Variants in DRGX observed in about 807,000 individuals in gnomAD.
DRGX encodes dorsal root ganglia homeobox protein.
In DRGX, 21 loss-of-function variants were observed where a neutral mutation model predicts 28.6. The observed-to-expected ratio is 0.73, with a 90% confidence interval of 0.52 to 1.06. The LOEUF is 1.06. Among genes scored for constraint, DRGX ranks in the 50% least tolerant of loss-of-function variants. The pLI is 0.00. For missense variants in DRGX, 354 were observed against 343.9 expected (o/e 1.03, Z -0.23); for synonymous variants, 136 against 139.1 (o/e 0.98, Z 0.16).
intron 6 of DRGX, among the ~76,000 whole-genome samples, chr10:49,381,264 C>T (rs375220628): frequency 7.2e-5 from 11 of 152,344 alleles, no homozygotes; most frequent in East Asian, 5.8e-4. Context: ...GCCATCCAGG[C>T]GCCCACCTGG....
intron 2 of DRGX, 43 bp downstream of exon 2, chr10:49,395,364 G>A: frequency 6.5e-7 from 1 of 1,548,410 alleles, no homozygotes; most frequent in South Asian, 1.2e-5. Flanking sequence ...CTTTCTGGCC[G>A]GCTCTGGCTT....
intron 2 of DRGX, among the ~76,000 whole-genome samples, chr10:49,394,412 A>G (rs765310906): frequency 6.6e-6 from 1 of 152,168 alleles, no homozygotes; most frequent in Non-Finnish European, 1.5e-5. Context: ...TCCCACAACT[A>G]CTTGGCTTCC....
intron 6 of DRGX, among the ~76,000 whole-genome samples, chr10:49,372,984 T>C (rs1849676361): frequency 6.6e-6 from 1 of 152,228 alleles, no homozygotes; most frequent in Non-Finnish European, 1.5e-5. Flanking sequence ...GTTTTTGTTT[T>C]TCTTTAATTT....
chr10:49,386,521 C>G lies in DRGX; in HGVS notation c.483G>C (p.Thr161=). The change falls in exon 6 of 7, where the codon ACG becomes ACC. Residue 161 remains threonine (T), a synonymous_variant. Transcript: ENST00000374139. The part of the protein sequence containing the change: ...PSCLPGTLLN[T]ATYAQALSHV... ...GGGACAAGGCCTGGGCGTAGGTGGCCGTGTTCAGGAGAGTCCCCGGCAAGC... is the reference window on the plus strand; with the variant it reads ...GGGACAAGGCCTGGGCGTAGGTGGCGGTGTTCAGGAGAGTCCCCGGCAAGC... 3 of 1,588,798 alleles carry G rather than the reference C, an allele frequency of 1.9e-6. No homozygotes were observed. Among genetic ancestry groups the G allele is most frequent in the African/African-American group, 1.3e-5 (1 of 74,496 alleles).
In DRGX at chr10:49,367,999, C is replaced by G. The variant is rs527442226; in HGVS notation, c.527-1618G>C. 1.8e-4 allele frequency among the ~76,000 whole-genome samples: 27 copies of G among 152,340 alleles called. No individual in the cohort carries two copies. In the East Asian group the frequency reaches 5.2e-3, roughly 29 times the overall value. ...TCCAGCAGCTGGGACTTCCCCACCT[C>G]CCTTCCCAAGACAGCCTTCCTAATG... On this transcript the variant is annotated intron_variant, in intron 6 of 6. Coordinates refer to ENST00000374139, the MANE Select transcript of DRGX (RefSeq NM_001276451.2).
At chr10:49,391,100 C>A in intron 3 of DRGX, 64 bp downstream of exon 3, 1 of 1,531,046 alleles carries the variant, frequency 6.5e-7, no homozygotes, top group South Asian at 1.1e-5. Context: ...AGAAGAGTTG[C>A]TCAACTTTGA....
At chr10:49,377,847 A>G (rs1365289721) in intron 6 of DRGX, among the ~76,000 whole-genome samples, 1 of 152,238 alleles carries the variant, frequency 6.6e-6, no homozygotes, top group Non-Finnish European at 1.5e-5. Context: ...ATTTTATAAT[A>G]CTAACTTTTG....
In DRGX at chr10:49,366,748, A is replaced by G. The variant is rs555180855; in HGVS notation, c.527-367T>C. ...CCCATTAAGTCATTCCACACTCCCA[A>G]ACTGTGTCAAGGCACCCCTAAGAAC... On this transcript the variant is annotated intron_variant, in intron 6 of 6. Coordinates refer to ENST00000374139, the MANE Select transcript of DRGX (RefSeq NM_001276451.2). Among the ~76,000 whole-genome samples the G allele has an allele frequency of 6.4e-4, 97 of 152,278 alleles. 1 individual carries two copies. Among genetic ancestry groups the G allele is most frequent in the African/African-American group, 2.3e-3 (94 of 41,562 alleles).
At chr10:49,376,194 T>C (rs1350054187) in intron 6 of DRGX, among the ~76,000 whole-genome samples, 2 of 152,174 alleles carry the variant, frequency 1.3e-5, no homozygotes, top group East Asian at 3.9e-4. Flanking sequence ...CACTATATTC[T>C]GCAGAAGCCG....
At chr10:49,385,565 T>C (rs1328743668) in intron 6 of DRGX, among the ~76,000 whole-genome samples, 1 of 152,222 alleles carries the variant, frequency 6.6e-6, no homozygotes, top group African/African-American at 2.4e-5. Context: ...GCAACACAGA[T>C]TGCCACACTG....
intron 6 of DRGX, among the ~76,000 whole-genome samples, chr10:49,383,795 T>C (rs1849803035): frequency 6.6e-6 from 1 of 152,198 alleles, no homozygotes; most frequent in African/African-American, 2.4e-5. Flanking sequence ...GAGCCCTCAC[T>C]AGAACCCAAC....
At chr10:49,388,751 C>T (rs1474508182) in intron 4 of DRGX, among the ~76,000 whole-genome samples, 1 of 147,730 alleles carries the variant, frequency 6.8e-6, no homozygotes, top group African/African-American at 2.5e-5. Flanking sequence ...ACATCAGCTT[C>T]GATTAAGACC....
At position 49,391,245 on chromosome 10, in the gene DRGX, G is replaced by A; in HGVS notation, c.51C>T (p.Gly17=). ...CATCAAAATCCCCCGAAGAGTGATT[G>A]CCAAAGGTTGCAGTGCCTACCAAGA... is the stretch of plus-strand genomic sequence containing the variant. ...PPQLEGTATF[G]NHSSGDFDDG... The change falls in exon 3 of 7, where the codon GGC becomes GGT. Residue 17 remains glycine (G), a synonymous_variant. Transcript: ENST00000374139. The A allele has an allele frequency of 6.2e-7, 1 of 1,610,562 alleles. No homozygotes were observed. The highest frequency in any genetic ancestry group is 8.5e-7 in the Non-Finnish European group (1 of 1,178,428).
chr10:49,370,366 C>T (rs1288370040), intron 6 of DRGX, among the ~76,000 whole-genome samples: 4 of 152,200 alleles, frequency 2.6e-5, no homozygotes, highest in Non-Finnish European at 4.4e-5. Flanking sequence ...GATCGTGCCA[C>T]TGCACTCCAG....
At chr10:49,390,724 C>T (rs541917428) in intron 3 of DRGX, among the ~76,000 whole-genome samples, 1 of 152,220 alleles carries the variant, frequency 6.6e-6, no homozygotes, top group African/African-American at 2.4e-5. Flanking sequence ...AAAAGCCCAG[C>T]TCTGGGAAAC....
intron 4 of DRGX, among the ~76,000 whole-genome samples, chr10:49,389,493 C>CA (rs1454186427): frequency 1.3e-5 from 2 of 152,190 alleles, no homozygotes; most frequent in African/African-American, 4.8e-5. Flanking sequence ...CGCACTTGGG[C>CA]ACATCTGCTG....
At position 49,366,080 on chromosome 10, in the gene DRGX, C is replaced by A; in HGVS notation, c.*36G>T. Reference sequence around the variant, plus strand: ...GGGCTGAGGCTGGGAGAAGGAGGGGCGGGGGAGGGCAGGCCGGGCGGGGCA... The same window carrying A: ...GGGCTGAGGCTGGGAGAAGGAGGGGAGGGGGAGGGCAGGCCGGGCGGGGCA... On this transcript the variant is annotated 3_prime_UTR_variant, in exon 7 of 7. Coordinates refer to ENST00000374139, the MANE Select transcript of DRGX (RefSeq NM_001276451.2). 2 of 1,184,950 alleles carry A rather than the reference C, an allele frequency of 1.7e-6. No homozygotes were observed. The highest frequency in any genetic ancestry group is 1.1e-6 in the Non-Finnish European group (1 of 877,296). 73.4% of individuals were successfully genotyped at this position (1,184,950 alleles called of 1,614,324 possible).
At position 49,387,928 on chromosome 10, in the gene DRGX, A is replaced by ACC. The variant is rs567834522; in HGVS notation, c.235-1071_235-1070insGG. Among the ~76,000 whole-genome samples, 483 of 152,288 alleles carry ACC rather than the reference A, an allele frequency of 3.2e-3. 1 individual carries two copies. Among genetic ancestry groups the ACC allele is most frequent in the African/African-American group, 0.011 (450 of 41,568 alleles). On this transcript the variant is annotated intron_variant, in intron 4 of 6. Transcript: ENST00000374139. Reference sequence around the variant, plus strand: ...GGCTTGGCTGGGAACTGTGATTCAAACTGTTTGGGGGTAATAACTGTGGCC... The same window carrying ACC: ...GGCTTGGCTGGGAACTGTGATTCAAACCCTGTTTGGGGGTAATAACTGTGGCC...
intron 6 of DRGX, among the ~76,000 whole-genome samples, chr10:49,384,892 G>A (rs573203676): frequency 6.6e-6 from 1 of 152,334 alleles, no homozygotes; most frequent in Admixed American, 6.5e-5. Context: ...TCCTATTCAT[G>A]AGGCCAGAGT....
Sources: gnomAD v4.1 joint callset for allele counts (sites outside exome capture counted in the v4.1 genomes callset) on GRCh38, gnomAD v4.1.1 for gene constraint, MANE v1.5 for transcripts, NCBI Gene and HGNC (gene_info 2026-07-23, HGNC 2026-07-21) for gene names.